The following CEP85 variants were observed in gnomAD, a reference collection of about 807,000 sequenced individuals.
CEP85 encodes the protein centrosomal protein 85.
In CEP85, 58 loss-of-function variants were observed where a neutral mutation model predicts 93.7. The ratio of observed to expected loss-of-function variants is 0.62; its 90% confidence interval spans 0.50 to 0.77. CEP85 has a LOEUF of 0.77. Among genes scored for constraint, CEP85 ranks in the 30% least tolerant of loss-of-function variants. The pLI is 0.00. For synonymous variants in CEP85, 314 were observed against 338.6 expected, an observed-to-expected ratio of 0.93 and a Z score of 0.80; for missense variants, 868 against 922.0, an observed-to-expected ratio of 0.94 and a Z score of 0.76.
At chr1:26,239,132 A>C (rs1025673534) in intron 1 of CEP85, among the ~76,000 whole-genome samples, 1 of 152,208 alleles carries the variant, frequency 6.6e-6, no homozygotes, top group South Asian at 2.1e-4. Context: ...AATTAAAAGT[A>C]ATATTTTTAA....
Position 26,277,270 on chromosome 1 carries a change from G to A in CEP85, c.2263G>A (p.Gly755Arg), listed in dbSNP as rs774879095. The change falls in exon 14 of 14, where the codon GGA becomes AGA. Residue 755 changes from glycine to arginine, a missense_variant. Physicochemically the swap from Gly to Arg is moderately radical, Grantham distance 125 (BLOSUM62 -2). Coordinates refer to ENST00000451429, the MANE Select transcript of CEP85 (RefSeq NM_001319944.2). ...GTCAGACAGATATGCCCAGGACATG[G>A]GAGAAAACTGTGTCACACAGTGAGG... ...TMSDRYAQDM[G>R]ENCVTQ The A allele has an allele frequency of 1.2e-5, 20 of 1,613,524 alleles. No individual in the cohort carries two copies. The highest frequency in any genetic ancestry group is 1.7e-5 in the Non-Finnish European group (20 of 1,179,464).
chr1:26,276,810 CTT>C (rs777751703), intron 13 of CEP85, 50 bp downstream of exon 13: 1 of 1,385,224 alleles, frequency 7.2e-7, no homozygotes, highest in African/African-American at 1.4e-5. Context: ...CCTTCTTTCT[CTT>C]CTCTCCCCCA....
Position 26,268,395 on chromosome 1 carries a change from C to CTG in CEP85, c.1342-87_1342-86dup, listed in dbSNP as rs151203140. The CTG allele has an allele frequency of 1.1e-3, 1,660 of 1,471,410 alleles. 19 individuals carry two copies. In the African/African-American group the frequency reaches 0.021, roughly 19 times the overall value. The allele number at this position is 1,471,410 out of a possible 1,614,324, so 91.1% of individuals were successfully genotyped here. On this transcript the variant is annotated intron_variant, in intron 7 of 13. Transcript: ENST00000451429. ...ATCACTTGAGCCTGGGAGGTGGAGG[C>CTG]TGCAGTCAGCTGAGATCACAGCACT...
chr1:26,257,512 C>CT, intron 4 of CEP85, 85 bp from the exon 5 acceptor site: 1 of 1,527,304 alleles, frequency 6.5e-7, no homozygotes, highest in Non-Finnish European at 8.9e-7. Context: ...TGGGCTTTGA[C>CT]TACAGACCCA....
At chr1:26,266,500 A>ATAT (rs2089897593) in intron 7 of CEP85, among the ~76,000 whole-genome samples, 1 of 152,242 alleles carries the variant, frequency 6.6e-6, no homozygotes, top group East Asian at 1.9e-4. Context: ...GAAGAGATAA[A>ATAT]CATTTATGGT....
rs775182640 is a variant in CEP85 at position 26,255,722 on chromosome 1, C to G, written c.760C>G (p.Pro254Ala). 3.1e-6 allele frequency: 5 copies of G among 1,614,188 alleles called. No individual in the cohort carries two copies. The highest frequency in any genetic ancestry group is 3.4e-6 in the Non-Finnish European group (4 of 1,180,034). Residue 254 changes from proline to alanine, a missense_variant, in exon 4 of 14, where the codon CCT (proline) becomes GCT (alanine). Pro to Ala is a conservative substitution (Grantham distance 27, BLOSUM62 -1). Transcript: ENST00000451429. ...TGGGGTCCTCCCTTTGGGACTCCAG[C>G]CTGCTCCCGGGCTCTCCAAGCCTCT... ...SSGVLPLGLQ[P>A]APGLSKPLPS...
chr1:26,252,811 T>A (rs2124577913), intron 3 of CEP85, among the ~76,000 whole-genome samples: 1 of 152,328 alleles, frequency 6.6e-6, no homozygotes, highest in Non-Finnish European at 1.5e-5. Flanking sequence ...ATACTATGCA[T>A]GTAATATAAG....
At chr1:26,266,235 A>AG (rs1414383934) in intron 7 of CEP85, among the ~76,000 whole-genome samples, 21 of 151,292 alleles carry the variant, frequency 1.4e-4, no homozygotes, top group Non-Finnish European at 5.9e-5. Context: ...TTTTTCTTTA[A>AG]ATATTAGCTG....
Position 26,244,186 on chromosome 1 carries a change from G to T in CEP85, c.76G>T (p.Gly26Cys). 1 of 1,613,336 alleles carries T rather than the reference G, an allele frequency of 6.2e-7. No homozygotes were observed. Among genetic ancestry groups the T allele is most frequent in the Non-Finnish European group, 8.5e-7 (1 of 1,179,898 alleles). The change falls in exon 3 of 14, where the codon GGC (glycine) becomes TGC (cysteine). Residue 26 changes from glycine to cysteine, a missense_variant. Transcript: ENST00000451429. Reference sequence around the variant, plus strand: ...TTCAGGTTCCGATGTGATTCAGAAGGGCAGTTCCCTGGGGACTGAATGGCA... The same window carrying T: ...TTCAGGTTCCGATGTGATTCAGAAGTGCAGTTCCCTGGGGACTGAATGGCA... ...TSPSSDVIQK[G>C]SSLGTEWQTP...
intron 11 of CEP85, 106 bp downstream of exon 11, chr1:26,272,177 G>C (rs1450303272): frequency 1.1e-5 from 12 of 1,115,308 alleles, no homozygotes; most frequent in African/African-American, 6.2e-5. Context: ...CTCAGTGTTA[G>C]GGATACAAAA....
chr1:26,272,659 G>A (rs1444124331), intron 11 of CEP85, among the ~76,000 whole-genome samples: 14 of 119,284 alleles, frequency 1.2e-4, no homozygotes, highest in Admixed American at 8.1e-4. Context: ...ACAGAGTCTC[G>A]CTCTTGTCGC....
In CEP85 at chr1:26,248,722, C is replaced by CTTTTTTTTTTTTTTTTTTTTTTTTTT. The variant is rs573449499; in HGVS notation, c.208+4426_208+4427insTTTTTTTTTTTTTTTTTTTTTTTTTT. 1.1e-4 allele frequency among the ~76,000 whole-genome samples: 6 copies of CTTTTTTTTTTTTTTTTTTTTTTTTTT among 56,212 alleles called. 1 individual carries two copies. The highest frequency in any genetic ancestry group is 1.6e-4 in the African/African-American group (2 of 12,380). The allele number at this position is 56,212 out of a possible 152,430, so 36.9% of individuals were successfully genotyped here. A position where few individuals can be genotyped will look rare whatever the true frequency, so the allele number is the denominator to read the frequency against. On this transcript the variant is annotated intron_variant, in intron 3 of 13. Transcript: ENST00000451429. ...TGTTGGCCAGTCTGGGTCTTGAACT[C>CTTTTTTTTTTTTTTTTTTTTTTTTTT]TTTTTTTTTTTTTTTTTTTTTTGAG...
chr1:26,234,976 T>C (rs1275785025), intron 1 of CEP85, among the ~76,000 whole-genome samples: 1 of 152,170 alleles, frequency 6.6e-6, no homozygotes, highest in Non-Finnish European at 1.5e-5. Context: ...GCCTACTGTG[T>C]GTAGGACGCC....
Position 26,271,054 on chromosome 1 carries a change from G to C in CEP85, c.1690G>C (p.Gly564Arg). The C allele has an allele frequency of 1.2e-6, 2 of 1,613,746 alleles. No individual in the cohort carries two copies. The highest frequency in any genetic ancestry group is 1.7e-6 in the Non-Finnish European group (2 of 1,179,670). ...GTCTGTGGAGGAGACCAGTGGAGAAGGTCCAGAAGTGGAAATGGAGTCCTG... is the reference window on the plus strand; with the variant it reads ...GTCTGTGGAGGAGACCAGTGGAGAACGTCCAGAAGTGGAAATGGAGTCCTG... ...KQSVEETSGE[G>R]PEVEMESWQK... Residue 564 changes from glycine (G) to arginine (R), a missense_variant, in exon 10 of 14, where the codon GGT (glycine) becomes CGT (arginine). Gly to Arg is a moderately radical substitution (Grantham distance 125). Coordinates refer to ENST00000451429, the MANE Select transcript of CEP85 (RefSeq NM_001319944.2).
chr1:26,242,601 T>C (rs2124560848), intron 2 of CEP85, among the ~76,000 whole-genome samples: 1 of 152,220 alleles, frequency 6.6e-6, no homozygotes, highest in South Asian at 2.1e-4. Context: ...GAAAATAGAT[T>C]AAAAAGATGA....
intron 9 of CEP85, among the ~76,000 whole-genome samples, chr1:26,270,776 T>G (rs1350876353): frequency 6.6e-6 from 1 of 152,198 alleles, no homozygotes; most frequent in Non-Finnish European, 1.5e-5. Context: ...CACAAGAGCC[T>G]TGGGCAGGTA....
intron 3 of CEP85, 127 bp downstream of exon 3, chr1:26,244,445 G>A: frequency 1.2e-6 from 1 of 820,812 alleles, no homozygotes; most frequent in Admixed American, 2.5e-5. Flanking sequence ...TTTCATTCAA[G>A]GAGTCTCTCA....
At chr1:26,244,866 C>T (rs949294894) in intron 3 of CEP85, among the ~76,000 whole-genome samples, 5 of 152,102 alleles carry the variant, frequency 3.3e-5, no homozygotes, top group Non-Finnish European at 7.4e-5. Context: ...AAGTCTTTCC[C>T]TCTGCTGCCA....
intron 9 of CEP85, among the ~76,000 whole-genome samples, chr1:26,269,933 C>A (rs907498273): frequency 5.3e-5 from 8 of 151,952 alleles, no homozygotes; most frequent in African/African-American, 1.7e-4. Context: ...ACTACAGGCG[C>A]CCGCCACTGC....
Sources: gnomAD v4.1 joint callset for allele counts (sites outside exome capture counted in the v4.1 genomes callset) on GRCh38, gnomAD v4.1.1 for gene constraint, MANE v1.5 for transcripts, NCBI Gene and HGNC (gene_info 2026-07-23, HGNC 2026-07-21) for gene names.